The following TDRD12 variants were observed in gnomAD, a reference collection of about 807,000 sequenced individuals.
TDRD12 encodes tudor domain containing 12, also known as putative ATP-dependent RNA helicase TDRD12.
TDRD12 carries 158 observed loss-of-function variants against 133.5 expected under a neutral mutation model. That is an observed-to-expected ratio of 1.18 (90% CI 1.04 to 1.35). TDRD12 has a LOEUF of 1.35. Ranked by LOEUF, TDRD12 falls within the 40% of genes most tolerant of loss-of-function variation. The probability of loss-of-function intolerance (pLI) is 0.00; values close to 1 mark genes in which losing one functional copy is unlikely to be tolerated. For missense variants in TDRD12, 1,443 were observed against 1,321.3 expected (o/e 1.09, Z -1.43); for synonymous variants, 460 against 477.9 (o/e 0.96, Z 0.49).
exon 8 of TDRD12, chr19:32,826,331 G>C: frequency 7.4e-7 from 1 of 1,351,346 alleles, no homozygotes; most frequent in Non-Finnish European, 9.5e-7. Flanking sequence ...ACAAGTGTCA[G>C]TATTTAAGGG....
chr19:32,779,856 G>A (rs1003812579), intron 11 of TDRD12, among the ~76,000 whole-genome samples: 2 of 152,112 alleles, frequency 1.3e-5, no homozygotes, highest in African/African-American at 4.8e-5. Flanking sequence ...ATAGGAGGGT[G>A]GAGTGGTACC....
At chr19:32,739,118 T>C in intron 3 of TDRD12, 126 bp downstream of exon 3, 1 of 1,188,132 alleles carries the variant, frequency 8.4e-7, no homozygotes, top group African/African-American at 1.5e-5. Context: ...CTGGAGTTCT[T>C]TAGCTTCCAG....
At chr19:32,788,363 C>T (rs1245449219) in intron 11 of TDRD12, among the ~76,000 whole-genome samples, 3 of 152,046 alleles carry the variant, frequency 2.0e-5, no homozygotes, top group East Asian at 1.9e-4. Flanking sequence ...CTGCCTGCCT[C>T]GGCCTCCCAA....
chr19:32,735,008 C>T (rs868296909), intron 2 of TDRD12, among the ~76,000 whole-genome samples: 2 of 152,170 alleles, frequency 1.3e-5, no homozygotes, highest in African/African-American at 4.8e-5. Flanking sequence ...CACCATCTCT[C>T]TCCCTCTCCC....
chr19:32,805,170 T>A (rs892681564), intron 21 of TDRD12, among the ~76,000 whole-genome samples: 20 of 125,142 alleles, frequency 1.6e-4, no homozygotes, highest in African/African-American at 4.9e-4. Context: ...TGTTATATAT[T>A]ATATATATAA....
intron 2 of TDRD12, among the ~76,000 whole-genome samples, chr19:32,737,622 TG>T (rs893637088): frequency 3.3e-5 from 5 of 152,124 alleles, no homozygotes; most frequent in African/African-American, 1.2e-4. Flanking sequence ...CTCCAATTCC[TG>T]GGTTCAAGCG....
chr19:32,786,060 G>C (rs1970899659), intron 11 of TDRD12, among the ~76,000 whole-genome samples: 1 of 152,114 alleles, frequency 6.6e-6, no homozygotes, highest in African/African-American at 2.4e-5. Flanking sequence ...TTTTGCAGTG[G>C]CTGGTACCGA....
Position 32,827,372 on chromosome 19 carries a change from C to CTTTTCTTTCTT in TDRD12, c.*210_*211insCTTTCTTTTTT, listed in dbSNP as rs61327156. The CTTTTCTTTCTT allele has an allele frequency of 5.3e-3, 644 of 122,420 alleles. 7 individuals are homozygous for CTTTTCTTTCTT. The highest frequency in any genetic ancestry group is 7.4e-3 in the Non-Finnish European group (564 of 76,408). The allele number at this position is 122,420 out of a possible 1,614,324, so 7.6% of individuals were successfully genotyped here. ...TAACCAAATCTTTTTCTTTTCTTTT[C>CTTTTCTTTCTT]TTTTTTTTTTTTTTTTTTTTTTTTT... is the stretch of plus-strand genomic sequence containing the variant. On this transcript the variant is annotated 3_prime_UTR_variant, in exon 10 of 10. Transcript: ENST00000637289.
intron 11 of TDRD12, among the ~76,000 whole-genome samples, chr19:32,789,486 C>T (rs2145657190): frequency 6.6e-6 from 1 of 152,222 alleles, no homozygotes; most frequent in Non-Finnish European, 1.5e-5. Context: ...ATGGGTTTGC[C>T]TGTTCAGGAC....
At chr19:32,751,080 T>C (rs1245173742) in intron 6 of TDRD12, among the ~76,000 whole-genome samples, 3 of 152,038 alleles carry the variant, frequency 2.0e-5, no homozygotes, top group Admixed American at 2.0e-4. Context: ...ACCCATTAGC[T>C]ATTCTTCCTG....
At chr19:32,725,327 G>GTT (rs536531960) in intron 1 of TDRD12, among the ~76,000 whole-genome samples, 1 of 147,698 alleles carries the variant, frequency 6.8e-6, no homozygotes, top group African/African-American at 2.5e-5. Flanking sequence ...TTTTTCTAGG[G>GTT]TTTTTTTTTT....
Position 32,719,868 on chromosome 19 carries a change from T to A in TDRD12, c.-205T>A, listed in dbSNP as rs1968564051. On this transcript the variant is annotated 5_prime_UTR_variant, in exon 1 of 28. Coordinates refer to ENST00000444215, the Ensembl canonical transcript of TDRD12. ...TGGTTACTGCCAGGACGGAGCGCATTGCCTCGAGCCGACCCCGGGGTCCGC... is the reference window on the plus strand; with the variant it reads ...TGGTTACTGCCAGGACGGAGCGCATAGCCTCGAGCCGACCCCGGGGTCCGC... 8 of 618,738 alleles carry A rather than the reference T, an allele frequency of 1.3e-5. No individual in the cohort carries two copies. The East Asian group carries it at 2.2e-4, about 17-fold the overall frequency. The allele number at this position is 618,738 out of a possible 1,614,324, so 38.3% of individuals were successfully genotyped here. A position where few individuals can be genotyped will look rare whatever the true frequency, so the allele number is the denominator to read the frequency against.
chr19:32,781,846 G>A (rs1177521972), intron 11 of TDRD12, among the ~76,000 whole-genome samples: 1 of 151,972 alleles, frequency 6.6e-6, no homozygotes, highest in Non-Finnish European at 1.5e-5. Context: ...TTACCCCTGG[G>A]AAATTCTCTT....
chr19:32,823,069 G>T (rs1006788357), downstream of TDRD12, among the ~76,000 whole-genome samples: 2 of 152,162 alleles, frequency 1.3e-5, no homozygotes, highest in South Asian at 2.1e-4. Flanking sequence ...CCCTCATTCC[G>T]CTTCCCAGGA....
chr19:32,744,222 CG>C (rs1203565801), intron 4 of TDRD12, among the ~76,000 whole-genome samples: 2 of 151,742 alleles, frequency 1.3e-5, no homozygotes, highest in Non-Finnish European at 1.5e-5. Context: ...TGAATCTGAC[CG>C]GGCCTGGTGG....
intron 3 of TDRD12, among the ~76,000 whole-genome samples, 151 bp downstream of exon 3, chr19:32,739,143 G>T (rs1943483433): frequency 6.6e-6 from 1 of 152,194 alleles, no homozygotes; most frequent in South Asian, 2.1e-4. Context: ...GGTGCTTTCT[G>T]GGTTTCAGGT....
intron 27 of TDRD12, among the ~76,000 whole-genome samples, chr19:32,819,283 C>T (rs915204945): frequency 2.0e-5 from 3 of 150,088 alleles, no homozygotes; most frequent in South Asian, 4.3e-4. Context: ...TGCCACTGCA[C>T]TCCAGCCTGG....
At chr19:32,750,875 G>C (rs945092447) in intron 6 of TDRD12, among the ~76,000 whole-genome samples, 1 of 152,244 alleles carries the variant, frequency 6.6e-6, no homozygotes, top group African/African-American at 2.4e-5. Context: ...AAGTGATACT[G>C]TGCCCTTCTC....
downstream of TDRD12, among the ~76,000 whole-genome samples, chr19:32,825,157 TC>T: frequency 6.6e-6 from 1 of 152,266 alleles, no homozygotes; most frequent in South Asian, 2.1e-4. This position sits in a 1 kb window ranked among gnomAD's most constrained non-coding sequence, Gnocchi z 4.1. Context: ...TGCACTCTTT[TC>T]CTGAGGCCAC....
Sources: allele counts gnomAD v4.1 joint callset (sites outside exome capture counted in the v4.1 genomes callset), GRCh38; gene constraint gnomAD v4.1.1; non-coding constraint Gnocchi (gnomAD v3.1); transcripts MANE v1.5; gene names NCBI Gene and HGNC (gene_info 2026-07-23, HGNC 2026-07-21).